The following EPHB1 variants were observed in gnomAD, a reference collection of about 807,000 sequenced individuals.
EPHB1 encodes the protein EPH receptor B1.
A neutral mutation model predicts 94.4 loss-of-function variants in EPHB1; 30 were observed. The ratio of observed to expected loss-of-function variants is 0.32; its 90% confidence interval spans 0.24 to 0.43. The LOEUF (loss-of-function observed/expected upper bound fraction) is 0.43, where lower values mean the gene tolerates loss of function less well. EPHB1 is among the 20% of genes least tolerant of loss of function. The pLI is 1.00. For synonymous variants in EPHB1, 522 were observed against 489.1 expected (o/e 1.07, Z -0.89); for missense variants, 1,055 against 1,308.3 (o/e 0.81, Z 2.99).
At chr3:134,857,255 A>G (rs1389803876) in intron 1 of EPHB1, among the ~76,000 whole-genome samples, 1 of 152,040 alleles carries the variant, frequency 6.6e-6, no homozygotes. Context: ...TCCCACTGCT[A>G]TCTGTACTCC....
intron 1 of EPHB1, among the ~76,000 whole-genome samples, chr3:134,829,382 G>T (rs771591264): frequency 6.6e-6 from 1 of 152,246 alleles, no homozygotes; most frequent in Non-Finnish European, 1.5e-5. Flanking sequence ...TCCTGGGGCC[G>T]TGAGGACCTA....
chr3:134,868,411 G>A (rs1003734491), intron 1 of EPHB1, among the ~76,000 whole-genome samples: 1 of 152,186 alleles, frequency 6.6e-6, no homozygotes, highest in Admixed American at 6.5e-5. Context: ...TGTTGCTGCT[G>A]TAATGTGCAA....
At chr3:135,116,230 C>CA (rs755446904) in intron 4 of EPHB1, among the ~76,000 whole-genome samples, 4 of 152,028 alleles carry the variant, frequency 2.6e-5, no homozygotes, top group African/African-American at 7.2e-5. Context: ...AAAACAAAAA[C>CA]AAAAAAACAT....
chr3:134,888,390 T>C (rs1328470831), intron 1 of EPHB1, among the ~76,000 whole-genome samples: 3 of 152,202 alleles, frequency 2.0e-5, no homozygotes, highest in Non-Finnish European at 4.4e-5. Flanking sequence ...ATGTGGCCTA[T>C]ATCCCTAGTC....
chr3:135,041,023 C>T (rs1259811978), intron 3 of EPHB1, among the ~76,000 whole-genome samples: 1 of 152,114 alleles, frequency 6.6e-6, no homozygotes, highest in Non-Finnish European at 1.5e-5. Context: ...TAATGAATCC[C>T]CTTAGAGGGG....
At chr3:134,928,565 A>G (rs556163446) in intron 2 of EPHB1, among the ~76,000 whole-genome samples, 1 of 152,206 alleles carries the variant, frequency 6.6e-6, no homozygotes, top group African/African-American at 2.4e-5. Flanking sequence ...CAGAGGACAC[A>G]GGAGGAGGAG....
chr3:135,089,943 A>G (rs899748236), intron 3 of EPHB1, among the ~76,000 whole-genome samples: 8 of 152,142 alleles, frequency 5.3e-5, no homozygotes, highest in Admixed American at 3.3e-4. Context: ...TGTATCCTTA[A>G]CACCTCTAAT....
At chr3:134,853,710 C>T (rs2037042437) in intron 1 of EPHB1, among the ~76,000 whole-genome samples, 1 of 152,188 alleles carries the variant, frequency 6.6e-6, no homozygotes, top group African/African-American at 2.4e-5. Flanking sequence ...AACCTGCCTG[C>T]AGAAGCACCG....
chr3:134,860,413 T>G (rs2037229033), intron 1 of EPHB1, among the ~76,000 whole-genome samples: 1 of 152,180 alleles, frequency 6.6e-6, no homozygotes, highest in Admixed American at 6.5e-5. Context: ...AGATAACACA[T>G]TATCTCCAGC....
intron 1 of EPHB1, among the ~76,000 whole-genome samples, chr3:134,900,610 A>T (rs1314372976): frequency 6.6e-6 from 1 of 152,166 alleles, no homozygotes; most frequent in Admixed American, 6.5e-5. Context: ...GTGAGGAGGT[A>T]GACCTGGCAG....
intron 3 of EPHB1, among the ~76,000 whole-genome samples, chr3:135,087,921 G>T (rs1190442737): frequency 6.6e-6 from 1 of 152,136 alleles, no homozygotes; most frequent in Non-Finnish European, 1.5e-5. Context: ...TTTCAGAGCA[G>T]GTCTCTGTAG....
At chr3:135,123,873 G>A (rs1940085101) in intron 4 of EPHB1, among the ~76,000 whole-genome samples, 1 of 151,556 alleles carries the variant, frequency 6.6e-6, no homozygotes, top group South Asian at 2.1e-4. Flanking sequence ...TCCCCTAGAT[G>A]ACTGCTGTGT....
intron 3 of EPHB1, among the ~76,000 whole-genome samples, chr3:135,012,251 C>A (rs1354242514): frequency 6.6e-6 from 1 of 152,188 alleles, no homozygotes; most frequent in Non-Finnish European, 1.5e-5. Flanking sequence ...TCTTTGCTCC[C>A]AAGGCATCAA....
chr3:134,903,440 C>G (rs1317506894), intron 1 of EPHB1, among the ~76,000 whole-genome samples: 2 of 152,178 alleles, frequency 1.3e-5, no homozygotes, highest in African/African-American at 4.8e-5. Flanking sequence ...GAAGCCTCAG[C>G]TTGCCTCAAG....
At chr3:134,924,866 G>C (rs1212987050) in intron 1 of EPHB1, among the ~76,000 whole-genome samples, 7 of 152,206 alleles carry the variant, frequency 4.6e-5, no homozygotes, top group African/African-American at 1.7e-4. Context: ...TTATTCTACA[G>C]TGACAGAAAG....
chr3:134,830,191 A>G (rs1339389794), intron 1 of EPHB1, among the ~76,000 whole-genome samples: 1 of 152,186 alleles, frequency 6.6e-6, no homozygotes, highest in Non-Finnish European at 1.5e-5. Context: ...TTCTTTTCAG[A>G]ATCGATTGAC....
chr3:135,097,140 G>T (rs1312527132), intron 3 of EPHB1, among the ~76,000 whole-genome samples: 1 of 148,132 alleles, frequency 6.8e-6, no homozygotes, highest in African/African-American at 2.5e-5. Flanking sequence ...TTCGGAATTA[G>T]GCTTCAACGT....
intron 5 of EPHB1, among the ~76,000 whole-genome samples, chr3:135,142,595 A>T (rs1386929032): frequency 6.6e-6 from 1 of 152,188 alleles, no homozygotes; most frequent in Non-Finnish European, 1.5e-5. Flanking sequence ...TGAAGCCAAA[A>T]AGAGTTGCAG....
chr3:135,254,562 G>A (rs1337680857), intron 15 of EPHB1, among the ~76,000 whole-genome samples: 2 of 151,956 alleles, frequency 1.3e-5, no homozygotes, highest in Non-Finnish European at 1.5e-5. Context: ...CAAGGATGAA[G>A]CCCACTTGAT....
Sources: allele counts gnomAD v4.1 joint callset (sites outside exome capture counted in the v4.1 genomes callset), GRCh38; gene constraint gnomAD v4.1.1; transcripts MANE v1.5; gene names NCBI Gene and HGNC (gene_info 2026-07-23, HGNC 2026-07-21).